Variants in GRIN2B observed in about 807,000 individuals in gnomAD.
GRIN2B encodes the protein glutamate ionotropic receptor NMDA type subunit 2B, also known as glutamate receptor ionotropic, NMDA 2B.
GRIN2B carries 5 observed loss-of-function variants against 114.5 expected under a neutral mutation model. That is an observed-to-expected ratio of 0.04 (90% CI 0.02 to 0.09). The LOEUF is 0.09. GRIN2B is among the 10% of genes least tolerant of loss of function. The pLI is 1.00. For missense variants in GRIN2B, 1,108 were observed against 1,943.5 expected, an observed-to-expected ratio of 0.57 and a Z score of 8.08; for synonymous variants, 787 against 745.1, an observed-to-expected ratio of 1.06 and a Z score of -0.92.
intron 3 of GRIN2B, among the ~76,000 whole-genome samples, chr12:13,843,988 T>G (rs1027909884): frequency 5.9e-5 from 9 of 152,200 alleles, no homozygotes; most frequent in African/African-American, 2.2e-4. Context: ...CAAAACCTTT[T>G]CTCCTCATTA....
intron 5 of GRIN2B, among the ~76,000 whole-genome samples, chr12:13,673,188 T>C (rs1950039457): frequency 6.6e-6 from 1 of 152,068 alleles, no homozygotes; most frequent in African/African-American, 2.4e-5. Context: ...GCTGCAACAT[T>C]TTAATTGGGT....
chr12:13,654,962 G>C (rs892394604), intron 5 of GRIN2B, among the ~76,000 whole-genome samples: 3 of 152,034 alleles, frequency 2.0e-5, no homozygotes, highest in Non-Finnish European at 4.4e-5. Flanking sequence ...GAAAGGACAG[G>C]AACCCAGGAG....
intron 3 of GRIN2B, among the ~76,000 whole-genome samples, chr12:13,799,381 A>G (rs188434916): frequency 1.3e-5 from 2 of 152,254 alleles, no homozygotes; most frequent in South Asian, 2.1e-4. Context: ...TCGCCCTTGT[A>G]TTCCACTGTG....
chr12:13,573,629 G>T lies in GRIN2B; in HGVS notation c.2011-1665C>A, dbSNP rs569416916. On this transcript the variant is annotated intron_variant, in intron 10 of 13. Coordinates refer to ENST00000609686, the MANE Select transcript of GRIN2B (RefSeq NM_000834.5). ...CTGTGCTGTGCTTTGGCATCGGAACGACAATGAAGATATTTGAAGTCCTCT... is the reference window on the plus strand; with the variant it reads ...CTGTGCTGTGCTTTGGCATCGGAACTACAATGAAGATATTTGAAGTCCTCT... Among the ~76,000 whole-genome samples the T allele has an allele frequency of 3.3e-5, 5 of 152,144 alleles. 1 individual carries two copies. Among genetic ancestry groups the T allele is most frequent in the Non-Finnish European group, 7.4e-5 (5 of 68,026 alleles).
intron 4 of GRIN2B, among the ~76,000 whole-genome samples, chr12:13,750,786 C>T (rs534196169): frequency 1.4e-4 from 22 of 152,260 alleles, no homozygotes; most frequent in African/African-American, 5.1e-4. Context: ...GTGTGCCATG[C>T]ACTGTGCAGG....
intron 3 of GRIN2B, among the ~76,000 whole-genome samples, chr12:13,776,492 T>G (rs1213973077): frequency 6.6e-6 from 1 of 152,196 alleles, no homozygotes; most frequent in Non-Finnish European, 1.5e-5. Context: ...TTTTGGAAAT[T>G]TTGGTAACAG....
intron 3 of GRIN2B, among the ~76,000 whole-genome samples, chr12:13,845,751 G>A (rs904973479): frequency 6.6e-6 from 1 of 152,138 alleles, no homozygotes. Flanking sequence ...GGAATAGAGT[G>A]GAGTGGGGAT....
intron 4 of GRIN2B, among the ~76,000 whole-genome samples, chr12:13,740,492 CTTTTTTTTTTT>C (rs59103603): frequency 7.1e-6 from 1 of 141,122 alleles, no homozygotes; most frequent in Admixed American, 7.1e-5. Context: ...ATAGCATTTT[CTTTTTTTTTTT>C]TTTTAACTTT....
intron 2 of GRIN2B, among the ~76,000 whole-genome samples, chr12:13,959,769 CTTTTTT>C (rs3082919): frequency 4.5e-5 from 6 of 132,462 alleles, no homozygotes; most frequent in Non-Finnish European, 8.0e-5. Flanking sequence ...TTTTCTTTTT[CTTTTTT>C]TTTTTTTTTT....
At chr12:13,775,488 G>A (rs553229307) in intron 3 of GRIN2B, among the ~76,000 whole-genome samples, 83 of 152,350 alleles carry the variant, frequency 5.4e-4, no homozygotes, top group African/African-American at 1.9e-3. Flanking sequence ...CACCAAGTAA[G>A]TGCTTAGGAA....
intron 2 of GRIN2B, among the ~76,000 whole-genome samples, chr12:13,947,551 C>T (rs899029610): frequency 1.1e-4 from 16 of 152,174 alleles, no homozygotes; most frequent in African/African-American, 3.1e-4. Context: ...GTGGTTTTCC[C>T]ATACATCCAG....
At chr12:13,720,697 G>A (rs2136592398) in intron 4 of GRIN2B, among the ~76,000 whole-genome samples, 1 of 152,118 alleles carries the variant, frequency 6.6e-6, no homozygotes, top group African/African-American at 2.4e-5. Flanking sequence ...TTATTTATAG[G>A]AGGGGCTTCC....
At chr12:13,974,294 T>A (rs1862978578) in intron 2 of GRIN2B, among the ~76,000 whole-genome samples, 1 of 152,232 alleles carries the variant, frequency 6.6e-6, no homozygotes. Context: ...GAAAACTGTA[T>A]CATTTGCTCA....
intron 10 of GRIN2B, among the ~76,000 whole-genome samples, chr12:13,589,855 C>T (rs1168468014): frequency 6.6e-6 from 1 of 152,064 alleles, no homozygotes; most frequent in African/African-American, 2.4e-5. Context: ...TGGGACTCGG[C>T]CTCTCCCAAA....
At chr12:13,968,516 C>G (rs369642497) in intron 2 of GRIN2B, among the ~76,000 whole-genome samples, 11 of 152,206 alleles carry the variant, frequency 7.2e-5, no homozygotes, top group African/African-American at 2.4e-4. Context: ...ATCTGCTCAA[C>G]AGGGCCAAAG....
At chr12:13,682,349 G>T (rs1423287918) in intron 4 of GRIN2B, among the ~76,000 whole-genome samples, 2 of 151,446 alleles carry the variant, frequency 1.3e-5, no homozygotes, top group African/African-American at 4.9e-5. Context: ...TTCCTAAGCT[G>T]TTCTTTTAGG....
intron 3 of GRIN2B, among the ~76,000 whole-genome samples, chr12:13,788,141 T>A (rs2136661843): frequency 6.6e-6 from 1 of 152,240 alleles, no homozygotes; most frequent in African/African-American, 2.4e-5. Flanking sequence ...GAGGCTCAAG[T>A]GGGAGAGGTC....
chr12:13,563,752 A>T lies in GRIN2B; in HGVS notation c.3486T>A (p.Phe1162Leu). Residue 1162 changes from phenylalanine to leucine, a missense_variant, in exon 14 of 14, where the codon TTT becomes TTA. Physicochemically the swap from Phe to Leu is conservative, Grantham distance 22. This residue lies in a region of GRIN2B where 478 missense variants were observed against 506.0 expected (regional missense o/e 0.94). Coordinates refer to ENST00000609686, the MANE Select transcript of GRIN2B (RefSeq NM_000834.5). ...TDIYKERSDDFKRDSVSGGGP... is the reference protein window; with the variant it reads ...TDIYKERSDDLKRDSVSGGGP... ...CTCCTCCGCTGACGGAGTCGCGCTT[A>T]AAGTCATCACTCCGCTCCTTGTAGA... 1 of 1,614,012 alleles carries T rather than the reference A, an allele frequency of 6.2e-7. No homozygotes were observed. Among genetic ancestry groups the T allele is most frequent in the Non-Finnish European group, 8.5e-7 (1 of 1,180,028 alleles).
intron 2 of GRIN2B, among the ~76,000 whole-genome samples, chr12:13,903,553 A>C (rs1866491358): frequency 6.6e-6 from 1 of 152,162 alleles, no homozygotes; most frequent in African/African-American, 2.4e-5. Flanking sequence ...GCTAAATTGC[A>C]CTTCGATCAG....
Sources: gnomAD v4.1 joint callset for allele counts (sites outside exome capture counted in the v4.1 genomes callset) on GRCh38, gnomAD v4.1.1 for gene constraint, gnomAD v4.1.1 regional missense constraint, MANE v1.5 for transcripts, NCBI Gene and HGNC (gene_info 2026-07-23, HGNC 2026-07-21) for gene names.